The following GCNT2 variants were observed in gnomAD, a reference collection of about 807,000 sequenced individuals.
GCNT2 encodes N-acetyllactosaminide beta-1,6-N-acetylglucosaminyl-transferase.
In GCNT2, 34 loss-of-function variants were observed where a neutral mutation model predicts 34.2. The observed-to-expected ratio is 1.00, with a 90% CI of 0.76 to 1.32. GCNT2 has a LOEUF of 1.32. GCNT2 is among the 40% of genes most tolerant of loss of function. The pLI is 0.00. For missense variants in GCNT2, 584 were observed against 489.4 expected, an observed-to-expected ratio of 1.19 and a Z score of -1.82; for synonymous variants, 212 against 188.0, an observed-to-expected ratio of 1.13 and a Z score of -1.04.
intron 3 of GCNT2, among the ~76,000 whole-genome samples, chr6:10,569,807 C>T (rs1430819202): frequency 6.6e-6 from 1 of 152,162 alleles, no homozygotes; most frequent in Non-Finnish European, 1.5e-5. Context: ...CTCTTACCCT[C>T]TGAGCTCATA....
At chr6:10,599,780 G>A (rs1278504136) in intron 3 of GCNT2, among the ~76,000 whole-genome samples, 1 of 152,200 alleles carries the variant, frequency 6.6e-6, no homozygotes, top group African/African-American at 2.4e-5. Flanking sequence ...GGCACATGCT[G>A]TGAGCCATGA....
chr6:10,590,426 G>A (rs1319942279), intron 3 of GCNT2, among the ~76,000 whole-genome samples: 3 of 151,044 alleles, frequency 2.0e-5, no homozygotes, highest in Non-Finnish European at 2.9e-5. Flanking sequence ...CTAGGCTTAA[G>A]CTCTTCATGT....
intron 3 of GCNT2, among the ~76,000 whole-genome samples, chr6:10,583,019 A>G (rs1764188076): frequency 6.6e-6 from 1 of 152,166 alleles, no homozygotes; most frequent in Non-Finnish European, 1.5e-5. Flanking sequence ...GATTTAGCCA[A>G]ACAGACTGGC....
At chr6:10,617,486 G>T (rs866451088) in intron 3 of GCNT2, among the ~76,000 whole-genome samples, 6 of 152,336 alleles carry the variant, frequency 3.9e-5, no homozygotes, top group Admixed American at 3.9e-4. Context: ...CGGGCTGAAG[G>T]GCTCCTCAAG....
At chr6:10,538,039 A>G (rs376015272) in intron 3 of GCNT2, among the ~76,000 whole-genome samples, 3 of 152,050 alleles carry the variant, frequency 2.0e-5, no homozygotes, top group African/African-American at 7.2e-5. Flanking sequence ...GCCTGGGAAA[A>G]GACCAACATT....
rs1486118928 is a variant in GCNT2 at position 10,582,215 on chromosome 6, T to TA, written c.926-39135dup. Among the ~76,000 whole-genome samples, 552 of 112,646 alleles carry TA rather than the reference T, an allele frequency of 4.9e-3. 6 individuals carry two copies. The highest frequency in any genetic ancestry group is 0.015 in the African/African-American group (476 of 30,940). The allele number at this position is 112,646 out of a possible 152,430, so 73.9% of individuals were successfully genotyped here. A position where few individuals can be genotyped will look rare whatever the true frequency, so the allele number is the denominator to read the frequency against. ...TATATAATATATAAAATTTATTATA[T>TA]ATATAATTATATATATTTAAATATA... On this transcript the variant is annotated intron_variant, in intron 3 of 4. Transcript: ENST00000495262.
rs1179329686 is a variant in GCNT2 at position 10,585,062 on chromosome 6, TGTGTGTGTGTGTGTGTGC to T, written c.926-36287_926-36270del. Among the ~76,000 whole-genome samples, 110 of 138,848 alleles carry T rather than the reference TGTGTGTGTGTGTGTGTGC, an allele frequency of 7.9e-4. No individual in the cohort carries two copies. In the East Asian group the frequency reaches 8.2e-3, roughly 10 times the overall value. The allele number at this position is 138,848 out of a possible 152,430, so 91.1% of individuals were successfully genotyped here. On this transcript the variant is annotated intron_variant, in intron 3 of 4. Transcript: ENST00000495262. Reference sequence around the variant, plus strand: ...GTGTGTGTGTGTGTGTGTGTGTGTGTGTGTGTGTGTGTGTGTGCGCGCTATATTCTGACACATCATTAG... The same window carrying T: ...GTGTGTGTGTGTGTGTGTGTGTGTGTGCGCTATATTCTGACACATCATTAG...
intron 3 of GCNT2, among the ~76,000 whole-genome samples, chr6:10,547,950 A>G (rs1485612995): frequency 6.6e-6 from 1 of 152,210 alleles, no homozygotes; most frequent in Non-Finnish European, 1.5e-5. Context: ...AGCCTGTTCA[A>G]GCTGGCTTGT....
At chr6:10,623,594 C>T (rs762721598) in intron 4 of GCNT2, among the ~76,000 whole-genome samples, 4 of 152,170 alleles carry the variant, frequency 2.6e-5, no homozygotes, top group South Asian at 2.1e-4. Context: ...CCGGCCTGTA[C>T]TACCTTCATC....
rs118137262 is a variant in GCNT2, at chr6:10,527,118, C to A, written c.-468-356C>A. ...GATCAGGGAAGCAGGGAAATGAAAA[C>A]TTGAGCATTCAATCAATAAATAGTT... On this transcript the variant is annotated intron_variant, in intron 1 of 4. Coordinates refer to ENST00000495262, the MANE Select transcript of GCNT2 (RefSeq NM_145649.5). Among the ~76,000 whole-genome samples, 75 of 152,286 alleles carry A rather than the reference C, an allele frequency of 4.9e-4. 2 individuals carry two copies. The East Asian group carries it at 0.011, about 23-fold the overall frequency.
At position 10,575,135 on chromosome 6, in the gene GCNT2, C is replaced by T. The variant is rs184732910; in HGVS notation, c.925+45299C>T. On this transcript the variant is annotated intron_variant, in intron 3 of 4. Transcript: ENST00000495262. ...CAATGTCACCTTTCTTATAGATTCA[C>T]ATATACGTGGCCAAAGGAACAACTC... 7 of 439,692 alleles carry T rather than the reference C, an allele frequency of 1.6e-5. No homozygotes were observed. In the Admixed American group the frequency reaches 1.6e-4, roughly 10 times the overall value. The allele number at this position is 439,692 out of a possible 1,614,324, so 27.2% of individuals were successfully genotyped here.
intron 3 of GCNT2, among the ~76,000 whole-genome samples, chr6:10,576,937 ATAAAAT>A (rs1338515786): frequency 6.6e-6 from 1 of 151,522 alleles, no homozygotes; most frequent in South Asian, 2.1e-4. Flanking sequence ...AATAATAATA[ATAAAAT>A]TAGCCAAGTG....
chr6:10,554,401 T>C (rs1762605040), intron 3 of GCNT2, among the ~76,000 whole-genome samples: 2 of 152,234 alleles, frequency 1.3e-5, no homozygotes, highest in African/African-American at 4.8e-5. Context: ...TTGGTTAGTG[T>C]CTATATTTCT....
chr6:10,583,740 C>A (rs1051256319), intron 3 of GCNT2, among the ~76,000 whole-genome samples: 1 of 152,090 alleles, frequency 6.6e-6, no homozygotes, highest in Admixed American at 6.5e-5. Context: ...CCTTTAAGTT[C>A]TTTGAAATGA....
intron 3 of GCNT2, among the ~76,000 whole-genome samples, chr6:10,563,775 AAAATATATATATATATAT>A (rs1186086201): frequency 3.3e-5 from 1 of 30,444 alleles, no homozygotes; most frequent in Non-Finnish European, 5.8e-5. Context: ...AAAAAAAAAA[AAAATATATATATATATAT>A]ATATATATAT....
rs1214651898 is a variant in GCNT2 at position 10,614,644 on chromosome 6, A to AAAG, written c.926-6706_926-6705insAGA. ...CTGTCTCAAAAAAAAAAAAAAAAAA[A>AAAG]AGAGAAAAAGAAGAAAGGTAGAAGA... On this transcript the variant is annotated intron_variant, in intron 3 of 4. Coordinates refer to ENST00000495262, the MANE Select transcript of GCNT2 (RefSeq NM_145649.5). 3.2e-3 allele frequency among the ~76,000 whole-genome samples: 455 copies of AAAG among 143,948 alleles called. 7 individuals carry two copies. The highest frequency in any genetic ancestry group is 0.01 in the African/African-American group (372 of 37,188). 94.4% of individuals were successfully genotyped at this position (143,948 alleles called of 152,430 possible).
rs1334646984 is a variant in GCNT2, at chr6:10,588,887, TAGC to T, written c.926-32463_926-32461del. On this transcript the variant is annotated intron_variant, in intron 3 of 4. Transcript: ENST00000495262. ...TATGTGTGTGGGGTATGTGTGTTTG[TAGC>T]GTGTGTGTTGTGTGGTGTGTGTGTA... is the stretch of plus-strand genomic sequence containing the variant. Among the ~76,000 whole-genome samples, 16 of 137,554 alleles carry T rather than the reference TAGC, an allele frequency of 1.2e-4. No homozygotes were observed. In the East Asian group the frequency reaches 2.4e-3, roughly 21 times the overall value. The allele number at this position is 137,554 out of a possible 152,430, so 90.2% of individuals were successfully genotyped here.
At chr6:10,527,044 A>AAT (rs1761225342) in intron 1 of GCNT2, among the ~76,000 whole-genome samples, 1 of 152,230 alleles carries the variant, frequency 6.6e-6, no homozygotes, top group African/African-American at 2.4e-5. Context: ...CACAGATACA[A>AAT]ATATATATCT....
intron 3 of GCNT2, chr6:10,557,257 C>T (rs760512504): frequency 6.2e-7 from 1 of 1,610,868 alleles, no homozygotes; most frequent in Non-Finnish European, 8.5e-7. Context: ...TTCTGCATGA[C>T]CCACGGGCTG....
Sources: allele counts gnomAD v4.1 joint callset (sites outside exome capture counted in the v4.1 genomes callset), GRCh38; gene constraint gnomAD v4.1.1; transcripts MANE v1.5; gene names NCBI Gene and HGNC (gene_info 2026-07-23, HGNC 2026-07-21).